BRCA2: variants seen among roughly 807,000 people sequenced by gnomAD.
BRCA2 encodes breast cancer type 2 susceptibility protein.
BRCA2 carries 203 observed loss-of-function variants against 276.7 expected under a neutral mutation model. That is an observed-to-expected ratio of 0.73 (90% CI 0.65 to 0.82). BRCA2 has a LOEUF of 0.82. Among genes scored for constraint, BRCA2 ranks in the 40% least tolerant of loss-of-function variants. The probability of loss-of-function intolerance (pLI) is 0.00; values close to 1 mark genes in which losing one functional copy is unlikely to be tolerated. For synonymous variants in BRCA2, 1,289 were observed against 1,338.4 expected, an observed-to-expected ratio of 0.96 and a Z score of 0.81; for missense variants, 3,920 against 3,915.0, an observed-to-expected ratio of 1.00 and a Z score of -0.03.
chr13:32,329,553 T>G, intron 8 of BRCA2, 61 bp downstream of exon 8: 1 of 1,255,038 alleles, frequency 8.0e-7, no homozygotes, highest in South Asian at 1.3e-5. Context: ...AATGCCTTGT[T>G]AAATTATTTA....
chr13:32,316,390 G>A (rs2138697433), intron 1 of BRCA2, 32 bp from the exon 2 acceptor site: 1 of 1,331,932 alleles, frequency 7.5e-7, no homozygotes. Flanking sequence ...ATGCATCCCT[G>A]TGTAAGTGCA....
chr13:32,350,030 T>G (rs1349624525), intron 13 of BRCA2, among the ~76,000 whole-genome samples: 1 of 152,120 alleles, frequency 6.6e-6, no homozygotes, highest in Non-Finnish European at 1.5e-5. Flanking sequence ...CACCAAGCCC[T>G]TTTCCACCAC....
upstream of BRCA2, among the ~76,000 whole-genome samples, chr13:32,315,115 G>C (rs2072240993): frequency 6.6e-6 from 1 of 152,134 alleles, no homozygotes; most frequent in Non-Finnish European, 1.5e-5. Flanking sequence ...TCGCTTTGGG[G>C]AACAGGTCTT....
intron 20 of BRCA2, 108 bp downstream of exon 20, chr13:32,371,208 T>C: frequency 8.3e-7 from 1 of 1,211,246 alleles, no homozygotes; most frequent in Non-Finnish European, 1.2e-6. Context: ...TTTTGAGTAG[T>C]AAATTGACTT....
chr13:32,392,455 G>T (rs992408136), intron 24 of BRCA2, among the ~76,000 whole-genome samples: 9 of 152,106 alleles, frequency 5.9e-5, no homozygotes, highest in African/African-American at 2.2e-4. Flanking sequence ...GGAGGCCAAA[G>T]CAGGCAGATC....
intron 4 of BRCA2, among the ~76,000 whole-genome samples, chr13:32,325,872 G>A (rs1287310326): frequency 1.3e-5 from 2 of 152,100 alleles, no homozygotes; most frequent in Non-Finnish European, 2.9e-5. Flanking sequence ...TAAAATACAC[G>A]GTTTCCAGCA....
chr13:32,345,092 T>C (rs1422011370), intron 12 of BRCA2, among the ~76,000 whole-genome samples: 1 of 152,116 alleles, frequency 6.6e-6, no homozygotes, highest in Admixed American at 6.5e-5. Flanking sequence ...CTGATTTTCA[T>C]CTAAAAGCTT....
intron 10 of BRCA2, among the ~76,000 whole-genome samples, chr13:32,333,602 ACT>A (rs922285861): frequency 2.0e-5 from 3 of 151,938 alleles, no homozygotes; most frequent in Non-Finnish European, 2.9e-5. Flanking sequence ...TATATCCATC[ACT>A]CTTGAGACAG....
rs876660772 is a variant in BRCA2 at position 32,355,021 on chromosome 13, A to G, written c.7168A>G (p.Asn2390Asp). The G allele has an allele frequency of 3.7e-6, 6 of 1,613,900 alleles. No individual in the cohort carries two copies. The highest frequency in any genetic ancestry group is 2.2e-5 in the East Asian group (1 of 44,856). Residue 2390 changes from asparagine (N) to aspartate (D), a missense_variant, in exon 14 of 27, where the codon AAT (asparagine) becomes GAT (aspartate). By Grantham distance (23) the Asn-to-Asp change is conservative. Around this residue, in one of 2 missense-constraint regions of BRCA2, gnomAD observed 3,263 missense variants for 3,156.9 expected, o/e 1.03. Coordinates refer to ENST00000380152, the MANE Select transcript of BRCA2 (RefSeq NM_000059.4). ...HPFYQVSATR[N>D]EKMRHLITTG... ...ATTTTATCAAGTTTCTGCTACAAGA[A>G]ATGAAAAAATGAGACACTTGATTAC...
At chr13:32,362,833 C>A in intron 17 of BRCA2, 140 bp downstream of exon 17, 1 of 898,878 alleles carries the variant, frequency 1.1e-6, no homozygotes, top group Non-Finnish European at 1.7e-6. Flanking sequence ...GTTCTCCTGT[C>A]ATCCCTAGCC....
rs80359548 is a variant in BRCA2, at chr13:32,340,284, A to AT, written c.5934dup (p.Ser1979Ter). On this transcript the variant is annotated frameshift_variant, in exon 11 of 27. Transcript: ENST00000380152. LOFTEE classifies it high-confidence loss of function. ...AGTCTCATCTGCAAATACTTGTGGGATTTTTAGCACAGCAAGTGGAAAATC... is the reference window on the plus strand; with the variant it reads ...AGTCTCATCTGCAAATACTTGTGGGATTTTTTAGCACAGCAAGTGGAAAATC... 6.2e-7 allele frequency: 1 copy of AT among 1,613,988 alleles called. No individual in the cohort carries two copies. Among genetic ancestry groups the AT allele is most frequent in the Non-Finnish European group, 8.5e-7 (1 of 1,179,900 alleles).
At chr13:32,344,861 CATAT>C (rs2137538131) in intron 12 of BRCA2, among the ~76,000 whole-genome samples, 1 of 152,110 alleles carries the variant, frequency 6.6e-6, no homozygotes, top group Non-Finnish European at 1.5e-5. Context: ...TGATATTTAC[CATAT>C]TAGAAATGTA....
Position 32,345,739 on chromosome 13 carries a change from C to T in BRCA2, c.6937+1086C>T, listed in dbSNP as rs923162351. On this transcript the variant is annotated intron_variant, in intron 12 of 26. Transcript: ENST00000380152. Reference sequence around the variant, plus strand: ...GAAATTTATTTAAGTTTCATAAACACCTTATACATATAACTTAAATGTAAT... The same window carrying T: ...GAAATTTATTTAAGTTTCATAAACATCTTATACATATAACTTAAATGTAAT... Among the ~76,000 whole-genome samples the T allele has an allele frequency of 5.3e-5, 8 of 152,030 alleles. No homozygotes were observed. In the East Asian group the frequency reaches 1.4e-3, roughly 26 times the overall value.
rs375125172 is a variant in BRCA2 at position 32,325,111 on chromosome 13, C to A, written c.352C>A (p.Arg118Ser). The A allele has an allele frequency of 1.2e-6, 2 of 1,607,286 alleles. No individual in the cohort carries two copies. Among genetic ancestry groups the A allele is most frequent in the African/African-American group, 1.3e-5 (1 of 74,752 alleles). ...NVPNSRHKSLRTVKTKMDQAD... is the reference protein window; with the variant it reads ...NVPNSRHKSLSTVKTKMDQAD... ...TCCCAATAGTAGACATAAAAGTCTT[C>A]GCACAGTGAAAACTAAAATGGATCA... Residue 118 changes from arginine to serine, a missense_variant, in exon 4 of 27, where the codon CGC (arginine) becomes AGC (serine). Around this residue, in one of 2 missense-constraint regions of BRCA2, gnomAD observed 3,263 missense variants for 3,156.9 expected, o/e 1.03. Coordinates refer to ENST00000380152, the MANE Select transcript of BRCA2 (RefSeq NM_000059.4).
chr13:32,373,483 G>T (rs2072849595), intron 20 of BRCA2, among the ~76,000 whole-genome samples: 1 of 151,642 alleles, frequency 6.6e-6, no homozygotes, highest in Admixed American at 6.6e-5. Flanking sequence ...TCTAGCCTGG[G>T]CAACAAAGCA....
upstream of BRCA2, chr13:32,315,383 C>T (rs879937162): frequency 6.6e-6 from 1 of 152,318 alleles, no homozygotes; most frequent in African/African-American, 2.4e-5. Flanking sequence ...CCTTTCGCCA[C>T]ACTGAGAAAT....
At position 32,355,184 on chromosome 13, in the gene BRCA2, A is replaced by T. The variant is rs431825352; in HGVS notation, c.7331A>T (p.Asp2444Val). The T allele has an allele frequency of 4.3e-5, 69 of 1,613,820 alleles. 1 individual carries two copies. The South Asian group carries it at 6.9e-4, about 16-fold the overall frequency. ...AACATTGATGGACATGGCTCTGATGATAGTAAAAATAAGATTAATGACAAT... is the reference window on the plus strand; with the variant it reads ...AACATTGATGGACATGGCTCTGATGTTAGTAAAAATAAGATTAATGACAAT... Reference protein sequence around the residue: ...KQNIDGHGSDDSKNKINDNEI... With the variant: ...KQNIDGHGSDVSKNKINDNEI... Residue 2444 changes from aspartate to valine, a missense_variant, in exon 14 of 27, where the codon GAT (aspartate) becomes GTT (valine). Asp to Val is a radical substitution (Grantham distance 152). Transcript: ENST00000380152.
chr13:32,395,087 T>TG lies in BRCA2; in HGVS notation c.9501+159dup, dbSNP rs538775993. The stretch of plus-strand genomic sequence containing the variant: ...TTAATTGCCCATGAACCTCAGGAGA[T>TG]GGGGGAATGGGGAAATGACAGCAAC... On this transcript the variant is annotated intron_variant, in intron 25 of 26. Coordinates refer to ENST00000380152, the MANE Select transcript of BRCA2 (RefSeq NM_000059.4). 1.4e-3 allele frequency among the ~76,000 whole-genome samples: 214 copies of TG among 152,158 alleles called. 1 individual carries two copies. The highest frequency in any genetic ancestry group is 3.0e-3 in the Admixed American group (46 of 15,286).
intron 24 of BRCA2, among the ~76,000 whole-genome samples, chr13:32,393,364 T>C (rs1338262048): frequency 6.6e-6 from 1 of 152,214 alleles, no homozygotes; most frequent in Non-Finnish European, 1.5e-5. Flanking sequence ...GCTGTGCCCT[T>C]TCCACCAATG....
Sources: allele counts gnomAD v4.1 joint callset (sites outside exome capture counted in the v4.1 genomes callset), GRCh38; gene constraint gnomAD v4.1.1; regional missense constraint gnomAD v4.1.1; transcripts MANE v1.5; gene names NCBI Gene and HGNC (gene_info 2026-07-23, HGNC 2026-07-21).